Variants in PUS10 observed in about 807,000 individuals in gnomAD.
The protein encoded by PUS10 is pseudouridine synthase 10.
In PUS10, 59 loss-of-function variants were observed where a neutral mutation model predicts 75.0. The ratio of observed to expected loss-of-function variants is 0.79; its 90% CI spans 0.64 to 0.98. PUS10 has a LOEUF of 0.98. Among genes scored for constraint, PUS10 ranks in the 50% least tolerant of loss-of-function variants. The pLI, the probability that PUS10 is intolerant of heterozygous loss-of-function variation, is 0.00. For missense variants in PUS10, 650 were observed against 614.4 expected (o/e 1.06, Z -0.61); for synonymous variants, 219 against 211.6 (o/e 1.03, Z -0.30).
At chr2:60,954,600 T>C (rs1362089709) in intron 12 of PUS10, among the ~76,000 whole-genome samples, 1 of 152,202 alleles carries the variant, frequency 6.6e-6, no homozygotes, top group Admixed American at 6.5e-5. Flanking sequence ...GTCATCATCT[T>C]TCTGGTAATG....
intron 1 of PUS10, among the ~76,000 whole-genome samples, chr2:61,015,912 C>G (rs983073006): frequency 6.6e-6 from 1 of 152,078 alleles, no homozygotes; most frequent in African/African-American, 2.4e-5. Context: ...TATTTTTTCT[C>G]CATTAGTTAA....
chr2:60,945,565 T>A (rs1674893989), intron 16 of PUS10, among the ~76,000 whole-genome samples: 1 of 152,204 alleles, frequency 6.6e-6, no homozygotes, highest in Non-Finnish European at 1.5e-5. Flanking sequence ...CCTTGTAACA[T>A]GACCCAGAGG....
At chr2:60,947,107 T>C (rs1057389681) in intron 16 of PUS10, among the ~76,000 whole-genome samples, 2 of 152,194 alleles carry the variant, frequency 1.3e-5, no homozygotes, top group South Asian at 2.1e-4. Context: ...CCTTGGACTA[T>C]AGATATTTTA....
Position 61,018,160 on chromosome 2 carries a change from A to G in PUS10, c.-168T>C. On this transcript the variant is annotated 5_prime_UTR_variant, in exon 1 of 18. Coordinates refer to ENST00000316752, the MANE Select transcript of PUS10 (RefSeq NM_144709.4). The stretch of plus-strand genomic sequence containing the variant: ...CTACCGCTTCTGTTTTCACTTTGAC[A>G]GAATGGCTTCTCTATCTTTAAAGCG... 6.4e-7 allele frequency: 1 copy of G among 1,550,748 alleles called. No individual in the cohort carries two copies. The highest frequency in any genetic ancestry group is 2.4e-5 in the East Asian group (1 of 41,052).
At chr2:60,987,980 T>C (rs1009235828) in intron 4 of PUS10, among the ~76,000 whole-genome samples, 3 of 151,150 alleles carry the variant, frequency 2.0e-5, no homozygotes, top group East Asian at 3.9e-4. Flanking sequence ...TCCCAGCTAT[T>C]TGGGAGGCTG....
chr2:61,006,558 T>G lies in PUS10; in HGVS notation c.467A>C (p.Glu156Ala). ...VSFPPQLSVREHAAWLLVKQE... is the reference protein window; with the variant it reads ...VSFPPQLSVRAHAAWLLVKQE... ...TTTTATGCATGCAAATGACCTTACC[T>G]CTCTTACAGATAGTTGTGGTGGGAA... is the stretch of plus-strand genomic sequence containing the variant. The change falls in exon 4 of 18, where the codon GAG becomes GCG. Residue 156 changes from glutamate (E) to alanine (A), a missense_variant and splice_region_variant. By Grantham distance (107) the Glu-to-Ala change is moderately radical. Coordinates refer to ENST00000316752, the MANE Select transcript of PUS10 (RefSeq NM_144709.4). 6.2e-7 allele frequency: 1 copy of G among 1,610,190 alleles called. No individual in the cohort carries two copies. The highest frequency in any genetic ancestry group is 1.1e-5 in the South Asian group (1 of 90,652).
At chr2:61,001,015 C>G (rs116632508) in intron 4 of PUS10, among the ~76,000 whole-genome samples, 1 of 152,284 alleles carries the variant, frequency 6.6e-6, no homozygotes, top group African/African-American at 2.4e-5. Context: ...TTACCAATGA[C>G]CAGTCTACCT....
intron 16 of PUS10, among the ~76,000 whole-genome samples, chr2:60,946,425 T>TA (rs1007029187): frequency 6.6e-6 from 1 of 152,216 alleles, no homozygotes; most frequent in African/African-American, 2.4e-5. Flanking sequence ...TGGCTTGTCC[T>TA]AAAAATGTTT....
chr2:60,958,894 A>AG (rs1675840264), intron 11 of PUS10, among the ~76,000 whole-genome samples: 1 of 152,158 alleles, frequency 6.6e-6, no homozygotes, highest in African/African-American at 2.4e-5. Flanking sequence ...TCAAAAAAAA[A>AG]AGGTTTTCTA....
At chr2:60,970,663 G>C (rs1676604290) in intron 5 of PUS10, among the ~76,000 whole-genome samples, 1 of 151,946 alleles carries the variant, frequency 6.6e-6, no homozygotes, top group Non-Finnish European at 1.5e-5. Flanking sequence ...GCGGGGGAGG[G>C]GACGGAAATG....
At chr2:60,961,651 TC>T in intron 9 of PUS10, 103 bp from the exon 10 acceptor site, 1 of 985,192 alleles carries the variant, frequency 1.0e-6, no homozygotes, top group Non-Finnish European at 1.6e-6. Context: ...AGCCCAAGTC[TC>T]TCTCTAACTT....
At chr2:61,006,002 T>A (rs1390893889) in intron 4 of PUS10, among the ~76,000 whole-genome samples, 1 of 152,234 alleles carries the variant, frequency 6.6e-6, no homozygotes, top group Non-Finnish European at 1.5e-5. Flanking sequence ...TAGCAAAGCT[T>A]TATGTTTTCA....
chr2:60,972,354 C>T (rs1676741925), intron 4 of PUS10, among the ~76,000 whole-genome samples: 2 of 151,672 alleles, frequency 1.3e-5, no homozygotes, highest in Non-Finnish European at 2.9e-5. Flanking sequence ...CCCGTAGTCC[C>T]AGCTACTTGA....
intron 1 of PUS10, chr2:61,017,223 T>C (rs1184782354): frequency 6.6e-6 from 1 of 152,458 alleles, no homozygotes; most frequent in Non-Finnish European, 1.5e-5. Context: ...GAGGGAAGAC[T>C]AAAGACAACG....
At chr2:60,974,938 G>A (rs968348761) in intron 4 of PUS10, among the ~76,000 whole-genome samples, 4 of 152,330 alleles carry the variant, frequency 2.6e-5, no homozygotes, top group Non-Finnish European at 4.4e-5. Context: ...AGACGCCACT[G>A]TCCACAGAGG....
Position 60,965,408 on chromosome 2 carries a change from T to C in PUS10, c.677+15A>G. 1 of 1,603,808 alleles carries C rather than the reference T, an allele frequency of 6.2e-7. No homozygotes were observed. Among genetic ancestry groups the C allele is most frequent in the Non-Finnish European group, 8.5e-7 (1 of 1,172,508 alleles). On this transcript the variant is annotated intron_variant, in intron 7 of 17. Coordinates refer to ENST00000316752, the MANE Select transcript of PUS10 (RefSeq NM_144709.4). ...ACAATTTTACACCATTGACGTTGTT[T>C]ACATGGCAACTTACAGGAAGTGGCA...
chr2:60,993,018 G>A (rs1341499114), intron 4 of PUS10, among the ~76,000 whole-genome samples: 1 of 152,148 alleles, frequency 6.6e-6, no homozygotes, highest in East Asian at 1.9e-4. Flanking sequence ...CTCTTGCCCT[G>A]GCTCTGGAGA....
chr2:60,973,439 T>C (rs1344104568), intron 4 of PUS10, among the ~76,000 whole-genome samples: 1 of 152,164 alleles, frequency 6.6e-6, no homozygotes, highest in Non-Finnish European at 1.5e-5. Flanking sequence ...CCTGCACCAA[T>C]CTCGGAGAAG....
intron 15 of PUS10, among the ~76,000 whole-genome samples, chr2:60,948,730 C>A (rs1484905396): frequency 6.6e-6 from 1 of 152,172 alleles, no homozygotes; most frequent in African/African-American, 2.4e-5. Flanking sequence ...GTTAGCCCAG[C>A]TTGCAACTAA....
Sources: allele counts gnomAD v4.1 joint callset (sites outside exome capture counted in the v4.1 genomes callset), GRCh38; gene constraint gnomAD v4.1.1; transcripts MANE v1.5; gene names NCBI Gene and HGNC (gene_info 2026-07-23, HGNC 2026-07-21).